Variants in KIFBP observed in about 807,000 individuals in gnomAD.
The protein encoded by KIFBP is KIF-binding protein.
A neutral mutation model predicts 58.9 loss-of-function variants in KIFBP; 46 were observed. The observed-to-expected ratio is 0.78, with a 90% confidence interval of 0.62 to 1.00. The LOEUF is 1.00. KIFBP is among the 50% of genes least tolerant of loss of function. KIFBP has a pLI of 0.00. For synonymous variants in KIFBP, 241 were observed against 283.4 expected (o/e 0.85, Z 1.50); for missense variants, 651 against 752.9 (o/e 0.86, Z 1.58).
At chr10:68,991,492 A>G in intron 1 of KIFBP, 5 of 402,254 alleles carry the variant, frequency 1.2e-5, no homozygotes, top group Non-Finnish European at 2.6e-5. Context: ...TCTCCGAACT[A>G]AGAAATGAAT....
Position 69,016,232 on chromosome 10 carries a change from A to T in KIFBP, c.1682A>T (p.Asp561Val). The change falls in exon 7 of 7, where the codon GAT becomes GTT. Residue 561 changes from aspartate to valine, a missense_variant. Coordinates refer to ENST00000361983, the MANE Select transcript of KIFBP (RefSeq NM_015634.4). ...CTCTATGGCAAAATCATTACTGCAGATCCCAAGAAAGAGCTGGAAAATTTG... is the reference window on the plus strand; with the variant it reads ...CTCTATGGCAAAATCATTACTGCAGTTCCCAAGAAAGAGCTGGAAAATTTG... ...ARLYGKIITA[D>V]PKKELENLAT... The T allele has an allele frequency of 6.2e-7, 1 of 1,604,016 alleles. No homozygotes were observed. The highest frequency in any genetic ancestry group is 8.5e-7 in the Non-Finnish European group (1 of 1,175,676).
intron 1 of KIFBP, among the ~76,000 whole-genome samples, chr10:68,992,042 A>G (rs1198916988): frequency 6.6e-6 from 1 of 151,178 alleles, no homozygotes; most frequent in Non-Finnish European, 1.5e-5. Flanking sequence ...TGCCCAGGCT[A>G]CATAGCAGTG....
At chr10:68,991,473 A>T (rs1843346047) in intron 1 of KIFBP, 1 of 381,206 alleles carries the variant, frequency 2.6e-6, no homozygotes, top group Admixed American at 2.9e-5. Context: ...ATCAATGAGG[A>T]TGTCGATGTC....
chr10:68,988,825 A>G lies in KIFBP; in HGVS notation c.-8A>G. The G allele has an allele frequency of 1.2e-6, 2 of 1,614,272 alleles. No individual in the cohort carries two copies. The highest frequency in any genetic ancestry group is 1.3e-5 in the African/African-American group (1 of 75,084). On this transcript the variant is annotated 5_prime_UTR_variant, in exon 1 of 7. Transcript: ENST00000361983. ...AACATTGAGGAAAGCCAGGCAGTAG[A>G]GGCCGCTATGGCGAACGTTCCGTGG...
In KIFBP at chr10:68,991,388, C is replaced by G. The variant is rs149081533; in HGVS notation, c.426+2130C>G. On this transcript the variant is annotated intron_variant, in intron 1 of 6. Coordinates refer to ENST00000361983, the MANE Select transcript of KIFBP (RefSeq NM_015634.4). ...TGTTGATCGGTGTATACACAAGTTTCTGGATATTGCAAGACAGAATATTTC... is the reference window on the plus strand; with the variant it reads ...TGTTGATCGGTGTATACACAAGTTTGTGGATATTGCAAGACAGAATATTTC... The G allele has an allele frequency of 6.3e-5, 21 of 335,136 alleles. No homozygotes were observed. The East Asian group carries it at 1.7e-3, about 27-fold the overall frequency. The allele number at this position is 335,136 out of a possible 1,614,324, so 20.8% of individuals were successfully genotyped here.
chr10:69,003,100 A>G (rs1843488899), intron 2 of KIFBP, among the ~76,000 whole-genome samples: 1 of 151,724 alleles, frequency 6.6e-6, no homozygotes, highest in South Asian at 2.1e-4. Context: ...TAAAAATAGT[A>G]TTTGTATGGA....
intron 2 of KIFBP, among the ~76,000 whole-genome samples, chr10:69,003,325 C>T (rs1030085669): frequency 2.0e-5 from 3 of 152,260 alleles, no homozygotes; most frequent in African/African-American, 2.4e-5. Context: ...TGAAGAATTA[C>T]TTATCTATTG....
At chr10:69,011,227 A>G (rs1294185119) in intron 6 of KIFBP, 2 of 517,018 alleles carry the variant, frequency 3.9e-6, no homozygotes, top group East Asian at 3.7e-5. Flanking sequence ...AGATTGGACC[A>G]CTGCACTCCA....
intron 1 of KIFBP, chr10:68,989,531 A>C: frequency 1.8e-6 from 1 of 562,676 alleles, no homozygotes; most frequent in Non-Finnish European, 3.2e-6. Flanking sequence ...TGCTTCACTT[A>C]GACGTGGCGA....
Position 68,989,164 on chromosome 10 carries a change from TGTC to T in KIFBP, c.334_336del (p.Ser112del). ...GTGAACCACATCGACACGGAGGAGC[TGTC>T]GGCGGGGGAGGAGCACCTGGTGAAA... is the stretch of plus-strand genomic sequence containing the variant. On this transcript the variant is annotated inframe_deletion, in exon 1 of 7. Coordinates refer to ENST00000361983, the MANE Select transcript of KIFBP (RefSeq NM_015634.4). 1 of 1,613,604 alleles carries T rather than the reference TGTC, an allele frequency of 6.2e-7. No homozygotes were observed. The highest frequency in any genetic ancestry group is 8.5e-7 in the Non-Finnish European group (1 of 1,179,772).
chr10:69,013,600 C>T (rs1843615225), intron 6 of KIFBP, among the ~76,000 whole-genome samples: 1 of 152,190 alleles, frequency 6.6e-6, no homozygotes, highest in African/African-American at 2.4e-5. Context: ...TTATGATCTA[C>T]ATTTGAAGTA....
At chr10:69,005,212 A>G in intron 3 of KIFBP, 87 bp downstream of exon 3, 1 of 996,526 alleles carries the variant, frequency 1.0e-6, no homozygotes, top group South Asian at 1.3e-5. Context: ...TAAAGGTTAT[A>G]GAATGTGGAT....
rs1399532615 is a variant in KIFBP, at chr10:69,008,807, T to C, written c.790-34T>C. 5 of 1,469,348 alleles carry C rather than the reference T, an allele frequency of 3.4e-6. No homozygotes were observed. The African/African-American group carries it at 4.2e-5, about 12-fold the overall frequency. The allele number at this position is 1,469,348 out of a possible 1,614,324, so 91.0% of individuals were successfully genotyped here. A position where few individuals can be genotyped will look rare whatever the true frequency, so the allele number is the denominator to read the frequency against. On this transcript the variant is annotated intron_variant, in intron 4 of 6. Coordinates refer to ENST00000361983, the MANE Select transcript of KIFBP (RefSeq NM_015634.4). Reference sequence around the variant, plus strand: ...ATCAGTTGCAAATAAAGCTGTGTGATAGTTGCATTCACTGTTGTTTATTTC... The same window carrying C: ...ATCAGTTGCAAATAAAGCTGTGTGACAGTTGCATTCACTGTTGTTTATTTC...
chr10:68,992,302 A>T (rs1165097133), intron 1 of KIFBP, among the ~76,000 whole-genome samples: 1 of 152,060 alleles, frequency 6.6e-6, no homozygotes, highest in Non-Finnish European at 1.5e-5. Context: ...CCTTTTAAAA[A>T]TTTTTGCATG....
intron 1 of KIFBP, among the ~76,000 whole-genome samples, chr10:68,990,421 C>T (rs1340315188): frequency 2.6e-5 from 4 of 152,074 alleles, no homozygotes; most frequent in East Asian, 3.9e-4. Context: ...TGGTGGTACA[C>T]GCCTGTAGTC....
chr10:69,002,712 G>T (rs951836806), intron 2 of KIFBP, among the ~76,000 whole-genome samples: 1 of 150,404 alleles, frequency 6.6e-6, no homozygotes, highest in East Asian at 2.0e-4. Context: ...ATAGTGATAC[G>T]CTGTCTCTAC....
At chr10:69,011,288 T>A (rs1843586952) in intron 6 of KIFBP, 2 of 315,816 alleles carry the variant, frequency 6.3e-6, no homozygotes, top group Admixed American at 4.5e-5. Flanking sequence ...ATAAATAAAA[T>A]AAATCTTACT....
At chr10:68,994,894 G>A (rs1843387940) in intron 1 of KIFBP, among the ~76,000 whole-genome samples, 1 of 151,328 alleles carries the variant, frequency 6.6e-6, no homozygotes, top group South Asian at 2.1e-4. Flanking sequence ...CCCCAACCCT[G>A]CATTTTGTAG....
rs1839010161 is a variant in KIFBP, at chr10:69,016,673, A to C, written c.*257A>C. The C allele has an allele frequency of 4.5e-6, 2 of 441,208 alleles. No individual in the cohort carries two copies. Among genetic ancestry groups the C allele is most frequent in the South Asian group, 6.4e-5 (2 of 31,222 alleles). The allele number at this position is 441,208 out of a possible 1,614,324, so 27.3% of individuals were successfully genotyped here. ...GCTTGTTTCCTATTAAAATACAGAC[A>C]TTTCTACCCTCAGTTTCTAAATGTA... On this transcript the variant is annotated 3_prime_UTR_variant, in exon 7 of 7. Transcript: ENST00000361983.
Sources: gnomAD v4.1 joint callset for allele counts (sites outside exome capture counted in the v4.1 genomes callset) on GRCh38, gnomAD v4.1.1 for gene constraint, MANE v1.5 for transcripts, NCBI Gene and HGNC (gene_info 2026-07-23, HGNC 2026-07-21) for gene names.